The following SARDH variants were observed in gnomAD, a reference collection of about 807,000 sequenced individuals.
The protein encoded by SARDH is sarcosine dehydrogenase, mitochondrial.
In SARDH, 95 loss-of-function variants were observed where a neutral mutation model predicts 109.1. That is an observed-to-expected ratio of 0.87 (90% CI 0.74 to 1.03). The LOEUF (loss-of-function observed/expected upper bound fraction) is 1.03, where lower values mean the gene tolerates loss of function less well. Among genes scored for constraint, SARDH ranks in the 50% least tolerant of loss-of-function variants. The pLI is 0.00. For synonymous variants in SARDH, 572 were observed against 534.8 expected (o/e 1.07, Z -0.96); for missense variants, 1,267 against 1,287.8 (o/e 0.98, Z 0.25).
chr9:133,709,467 C>T lies in SARDH; in HGVS notation c.1329-1039G>A, dbSNP rs1359044488. Among the ~76,000 whole-genome samples, 1 of 152,168 alleles carries T rather than the reference C, an allele frequency of 6.6e-6. No individual in the cohort carries two copies. The highest frequency in any genetic ancestry group is 1.5e-5 in the Non-Finnish European group (1 of 68,038). On this transcript the variant is annotated intron_variant, in intron 10 of 20. Transcript: ENST00000439388. The surrounding 1 kb of genome is among the most constrained non-coding windows in gnomAD (Gnocchi z 4.2). ...CCCCGGCTTTCCCAGCACCCCGCCT[C>T]CCCCTCACGCTCCACCTGCTAGAAC...
rs1230966551 is a variant in SARDH, at chr9:133,712,169, G to A, written c.1328+450C>T. On this transcript the variant is annotated intron_variant, in intron 10 of 20. Transcript: ENST00000439388. This position sits in a 1 kb window ranked among gnomAD's most constrained non-coding sequence, Gnocchi z 4.1. ...CCCATCACCCTGCATTAGAGACGAGGAAGTGGCTTGCACTGGGTCTCATTC... is the reference window on the plus strand; with the variant it reads ...CCCATCACCCTGCATTAGAGACGAGAAAGTGGCTTGCACTGGGTCTCATTC... Among the ~76,000 whole-genome samples, 1 of 152,202 alleles carries A rather than the reference G, an allele frequency of 6.6e-6. No homozygotes were observed.
At chr9:133,696,012 C>T (rs1400853923) in intron 14 of SARDH, among the ~76,000 whole-genome samples, 3 of 150,486 alleles carry the variant, frequency 2.0e-5, no homozygotes, top group African/African-American at 7.4e-5. Flanking sequence ...AGAAGGAAGG[C>T]AGGAGGGAGA....
intron 19 of SARDH, among the ~76,000 whole-genome samples, chr9:133,669,804 G>A (rs1830272514): frequency 6.6e-6 from 1 of 152,388 alleles, no homozygotes; most frequent in East Asian, 1.9e-4. Context: ...GGGCTGTGGG[G>A]AGACTGAACC....
At chr9:133,697,841 A>AG (rs1259129988) in intron 13 of SARDH, among the ~76,000 whole-genome samples, 1 of 152,104 alleles carries the variant, frequency 6.6e-6, no homozygotes, top group Non-Finnish European at 1.5e-5. Flanking sequence ...GGAACAAGAC[A>AG]GGGGGGTCCA....
chr9:133,691,169 A>AACACAAACACACAC (rs1554750407), intron 15 of SARDH, among the ~76,000 whole-genome samples: 3 of 112,136 alleles, frequency 2.7e-5, no homozygotes, highest in African/African-American at 1.1e-4. Context: ...CACCTCCCCC[A>AACACAAACACACAC]ACACACACAC....
rs1290133927 is a variant in SARDH, at chr9:133,671,415, G to T, written c.2326+120C>A. ...AGGGGAGGAAATCATGGTGTGGAAA[G>T]AAGGAAGCCGGGTGACAACACAGGG... On this transcript the variant is annotated intron_variant, in intron 18 of 20. Transcript: ENST00000439388. 5 of 1,290,950 alleles carry T rather than the reference G, an allele frequency of 3.9e-6. No homozygotes were observed. The Admixed American group carries it at 8.3e-5, about 21-fold the overall frequency. 80.0% of individuals were successfully genotyped at this position (1,290,950 alleles called of 1,614,324 possible). A position where few individuals can be genotyped will look rare whatever the true frequency, so the allele number is the denominator to read the frequency against.
intron 8 of SARDH, among the ~76,000 whole-genome samples, chr9:133,714,941 C>A (rs549330149): frequency 2.0e-5 from 3 of 152,286 alleles, no homozygotes; most frequent in Admixed American, 6.5e-5. Context: ...AGCGGAGGGG[C>A]AGCTGCAGGG....
intron 17 of SARDH, among the ~76,000 whole-genome samples, chr9:133,683,429 T>C (rs1404485016): frequency 1.3e-5 from 2 of 152,162 alleles, no homozygotes; most frequent in Non-Finnish European, 2.9e-5. Flanking sequence ...CCCCTCCCCT[T>C]CTGCAAACCA....
chr9:133,731,434 G>A lies in SARDH; in HGVS notation c.561C>T (p.Thr187=). The change falls in exon 4 of 21, where the codon ACC becomes ACT. Residue 187 remains threonine (T), a synonymous_variant. Transcript: ENST00000439388. ...VESHVLSPAE[T]KTLYPLMNVD... is the part of the protein sequence containing the mutation. ...CATTCATCAGCGGGTACAGAGTCTTGGTCTCTGCCGGGCTCAGCACATGGG... is the reference window on the plus strand; with the variant it reads ...CATTCATCAGCGGGTACAGAGTCTTAGTCTCTGCCGGGCTCAGCACATGGG... 1.2e-6 allele frequency: 2 copies of A among 1,614,154 alleles called. No homozygotes were observed. Among genetic ancestry groups the A allele is most frequent in the Middle Eastern group, 1.6e-4 (1 of 6,062 alleles).
At position 133,685,149 on chromosome 9, in the gene SARDH, T is replaced by C. The variant is rs376087668; in HGVS notation, c.2163+44A>G. ...ATCCCCCGGCGCACCCCTCACACCA[T>C]GCTGCCACCCACGACCCAGAGGACG... On this transcript the variant is annotated intron_variant, in intron 17 of 20. Coordinates refer to ENST00000439388, the MANE Select transcript of SARDH (RefSeq NM_001134707.2). The C allele has an allele frequency of 3.3e-5, 49 of 1,488,970 alleles. No homozygotes were observed. The African/African-American group carries it at 5.6e-4, about 17-fold the overall frequency. The allele number at this position is 1,488,970 out of a possible 1,614,324, so 92.2% of individuals were successfully genotyped here. A position where few individuals can be genotyped will look rare whatever the true frequency, so the allele number is the denominator to read the frequency against.
Position 133,713,057 on chromosome 9 carries a change from G to GC in SARDH, c.1217dup (p.Cys407LeufsTer35). 1 of 1,612,584 alleles carries GC rather than the reference G, an allele frequency of 6.2e-7. No individual in the cohort carries two copies. The highest frequency in any genetic ancestry group is 1.3e-5 in the African/African-American group (1 of 75,052). On this transcript the variant is annotated frameshift_variant, in exon 9 of 21. Coordinates refer to ENST00000439388, the MANE Select transcript of SARDH (RefSeq NM_001134707.2). LOFTEE classifies it high-confidence loss of function. ...ACTCACCTGCGCTGTTGAAGCCACAGCCCAGGAAGAACCCTCGGAGCTCAG... is the reference window on the plus strand; with the variant it reads ...ACTCACCTGCGCTGTTGAAGCCACAGCCCCAGGAAGAACCCTCGGAGCTCAG...
intron 19 of SARDH, among the ~76,000 whole-genome samples, chr9:133,667,441 C>T (rs140557567): frequency 1.1e-4 from 16 of 152,162 alleles, no homozygotes; most frequent in Non-Finnish European, 1.8e-4. Context: ...GCTGGGATTA[C>T]AGACTTGAGC....
At chr9:133,683,057 C>A (rs539804889) in intron 17 of SARDH, among the ~76,000 whole-genome samples, 4 of 152,222 alleles carry the variant, frequency 2.6e-5, no homozygotes, top group African/African-American at 7.2e-5. Flanking sequence ...TTTGGCCTGG[C>A]CTGTTCCTCT....
At chr9:133,711,095 C>T (rs1831901504) in intron 10 of SARDH, among the ~76,000 whole-genome samples, 1 of 152,262 alleles carries the variant, frequency 6.6e-6, no homozygotes, top group African/African-American at 2.4e-5. Context: ...GAGGGAGGCC[C>T]AGGCCTGCCC....
At chr9:133,679,872 G>A (rs934085780) in intron 17 of SARDH, among the ~76,000 whole-genome samples, 7 of 151,380 alleles carry the variant, frequency 4.6e-5, no homozygotes, top group Admixed American at 3.9e-4. Context: ...CCCGGGGCCC[G>A]GGTCTGCAGC....
chr9:133,673,072 T>G (rs570246562), intron 17 of SARDH, among the ~76,000 whole-genome samples: 1 of 152,348 alleles, frequency 6.6e-6, no homozygotes, highest in East Asian at 1.9e-4. Flanking sequence ...CCAGAGGCAC[T>G]GAGCAGGGCC....
At chr9:133,736,640 C>T (rs1224746555) in intron 1 of SARDH, among the ~76,000 whole-genome samples, 2 of 152,228 alleles carry the variant, frequency 1.3e-5, no homozygotes, top group Admixed American at 1.3e-4. Flanking sequence ...AGGTGATCCG[C>T]CTGCCTCGGC....
At chr9:133,726,186 T>G (rs78235809) in intron 6 of SARDH, among the ~76,000 whole-genome samples, 5,669 of 151,404 alleles carry the variant, frequency 0.037, 370 homozygotes, top group African/African-American at 0.13. Context: ...CTGGGCAGCA[T>G]AGCAAAACCC....
Position 133,712,833 on chromosome 9 carries a change from G to T in SARDH, c.1238-124C>A. The stretch of plus-strand genomic sequence containing the variant: ...CAAGCTCTGCTCTCACACCTGGGGT[G>T]CTGCACGCCTCCTGATTGGACTGCT... On this transcript the variant is annotated intron_variant, in intron 9 of 20. Coordinates refer to ENST00000439388, the MANE Select transcript of SARDH (RefSeq NM_001134707.2). This position sits in a 1 kb window ranked among gnomAD's most constrained non-coding sequence, Gnocchi z 4.1. 1 of 988,778 alleles carries T rather than the reference G, an allele frequency of 1.0e-6. No homozygotes were observed. The highest frequency in any genetic ancestry group is 1.6e-5 in the African/African-American group (1 of 62,860). 61.3% of individuals were successfully genotyped at this position (988,778 alleles called of 1,614,324 possible).
Sources: allele counts gnomAD v4.1 joint callset (sites outside exome capture counted in the v4.1 genomes callset), GRCh38; gene constraint gnomAD v4.1.1; non-coding constraint Gnocchi (gnomAD v3.1); transcripts MANE v1.5; gene names NCBI Gene and HGNC (gene_info 2026-07-23, HGNC 2026-07-21).